Variants in RALGAPA2 observed in about 807,000 individuals in gnomAD.
RALGAPA2 encodes ral GTPase-activating protein subunit alpha-2.
Under a neutral mutation model 230.4 loss-of-function variants are expected in RALGAPA2, and 139 were observed. That is an observed-to-expected ratio of 0.60 (90% confidence interval 0.53 to 0.69). The LOEUF (loss-of-function observed/expected upper bound fraction) is 0.69. RALGAPA2 is among the 30% of genes least tolerant of loss of function. The pLI is 0.00. For synonymous variants in RALGAPA2, 847 were observed against 837.8 expected, an observed-to-expected ratio of 1.01 and a Z score of -0.19; for missense variants, 2,163 against 2,276.0, an observed-to-expected ratio of 0.95 and a Z score of 1.01.
In RALGAPA2 at chr20:20,607,111, G is replaced by T. The variant is rs188258192; in HGVS notation, c.1801-1699C>A. Among the ~76,000 whole-genome samples, 48 of 152,250 alleles carry T rather than the reference G, an allele frequency of 3.2e-4. No homozygotes were observed. The South Asian group carries it at 9.1e-3, about 29-fold the overall frequency. ...GCAAATAGGCTCCCACTCTTGTCAG[G>T]AATTCTTCTTTGCGTAGGTGAGTTC... On this transcript the variant is annotated intron_variant, in intron 14 of 39. Coordinates refer to ENST00000202677, the MANE Select transcript of RALGAPA2 (RefSeq NM_020343.4).
Position 20,472,689 on chromosome 20 carries a change from CTA to C in RALGAPA2, c.5495+138_5495+139del, listed in dbSNP as rs1363169216. The C allele has an allele frequency of 1.7e-5, 13 of 761,814 alleles. No homozygotes were observed. In the East Asian group the frequency reaches 3.4e-4, roughly 20 times the overall value. 47.2% of individuals were successfully genotyped at this position (761,814 alleles called of 1,614,324 possible). On this transcript the variant is annotated intron_variant, in intron 37 of 39. Coordinates refer to ENST00000202677, the MANE Select transcript of RALGAPA2 (RefSeq NM_020343.4). Reference sequence around the variant, plus strand: ...AATTAACAAATGCTATGAAAAACCACTATGTTATTTTTAACAGAGGTTGAAAA... The same window carrying C: ...AATTAACAAATGCTATGAAAAACCACTGTTATTTTTAACAGAGGTTGAAAA...
chr20:20,639,622 C>G (rs1035513285), intron 7 of RALGAPA2, among the ~76,000 whole-genome samples, 163 bp downstream of exon 7: 6 of 152,088 alleles, frequency 3.9e-5, no homozygotes, highest in African/African-American at 7.2e-5. Context: ...CTGAAGTGAC[C>G]TAAAAAATGG....
intron 34 of RALGAPA2, chr20:20,505,155 C>A (rs951199038): frequency 3.1e-5 from 31 of 985,188 alleles, no homozygotes; most frequent in Non-Finnish European, 3.4e-5. Flanking sequence ...TCTGGGAGAG[C>A]CCATCTGACT....
In RALGAPA2 at chr20:20,615,387, C is replaced by G. The variant is rs6132324; in HGVS notation, c.1688+656G>C. Among the ~76,000 whole-genome samples the G allele has an allele frequency of 4.3e-3, 655 of 152,094 alleles. 33 individuals carry two copies. In the East Asian group the frequency reaches 0.11, roughly 26 times the overall value. ...ATGTTAGGCAGGTTGGTCTCGAACT[C>G]CTGACATCAGATGATCCACCCACCT... is the stretch of plus-strand genomic sequence containing the variant. On this transcript the variant is annotated intron_variant, in intron 13 of 39. Transcript: ENST00000202677.
chr20:20,408,746 G>C (rs1222672879), intron 38 of RALGAPA2, among the ~76,000 whole-genome samples: 2 of 150,434 alleles, frequency 1.3e-5, no homozygotes, highest in African/African-American at 4.9e-5. Context: ...GTGTGTGAGA[G>C]AGAAATGTAT....
intron 37 of RALGAPA2, among the ~76,000 whole-genome samples, chr20:20,466,917 T>G (rs1239668420): frequency 6.6e-6 from 1 of 152,232 alleles, no homozygotes; most frequent in African/African-American, 2.4e-5. Context: ...CTCTCATCTG[T>G]TGAGATAATC....
chr20:20,477,254 C>T (rs1336951596), intron 36 of RALGAPA2, among the ~76,000 whole-genome samples: 1 of 151,936 alleles, frequency 6.6e-6, no homozygotes, highest in Non-Finnish European at 1.5e-5. Flanking sequence ...AGCAAGAATA[C>T]AGAGGATTTG....
intron 37 of RALGAPA2, among the ~76,000 whole-genome samples, chr20:20,455,755 T>TA (rs1390372192): frequency 6.6e-6 from 1 of 152,026 alleles, no homozygotes; most frequent in Non-Finnish European, 1.5e-5. Flanking sequence ...AGCAAAACAT[T>TA]AAAAAAATTG....
In RALGAPA2 at chr20:20,635,439, A is replaced by G. The variant is rs368306531; in HGVS notation, c.984T>C (p.Asp328=). The part of the protein sequence containing the change: ...TATQNTKNGV[D]VLPKIIQTVG... ...ATACCTGGATGATTTTAGGCAATACATCAACTCCATTTTTAGTGTTTTGTG... is the reference window on the plus strand; with the variant it reads ...ATACCTGGATGATTTTAGGCAATACGTCAACTCCATTTTTAGTGTTTTGTG... Residue 328 remains aspartate, a synonymous_variant, in exon 9 of 40, where the codon GAT becomes GAC. Transcript: ENST00000202677. 2 of 1,601,774 alleles carry G rather than the reference A, an allele frequency of 1.2e-6. No homozygotes were observed. Among genetic ancestry groups the G allele is most frequent in the Admixed American group, 1.8e-5 (1 of 56,860 alleles).
At chr20:20,565,717 A>C (rs1379816095) in intron 23 of RALGAPA2, among the ~76,000 whole-genome samples, 1 of 152,212 alleles carries the variant, frequency 6.6e-6, no homozygotes, top group South Asian at 2.1e-4. Context: ...CTACAAGCTA[A>C]ATATTATTGC....
intron 23 of RALGAPA2, among the ~76,000 whole-genome samples, chr20:20,555,699 A>T (rs528999872): frequency 6.6e-6 from 1 of 152,254 alleles, no homozygotes; most frequent in African/African-American, 2.4e-5. Flanking sequence ...TTCATTTTAA[A>T]TTGTCCATTT....
intron 37 of RALGAPA2, among the ~76,000 whole-genome samples, chr20:20,428,852 T>G (rs1569392204): frequency 6.6e-6 from 1 of 150,726 alleles, no homozygotes; most frequent in Non-Finnish European, 1.5e-5. Flanking sequence ...TCTCCTCAGA[T>G]GTAAGGAAAG....
chr20:20,521,798 A>G (rs913933461), intron 30 of RALGAPA2, among the ~76,000 whole-genome samples: 2 of 152,248 alleles, frequency 1.3e-5, no homozygotes, highest in Admixed American at 6.5e-5. Flanking sequence ...GATTTTTATA[A>G]GAATCAAGGT....
intron 10 of RALGAPA2, among the ~76,000 whole-genome samples, chr20:20,623,541 T>C (rs1347011086): frequency 6.7e-6 from 1 of 149,666 alleles, no homozygotes; most frequent in Non-Finnish European, 1.5e-5. Flanking sequence ...AGTAGGATAC[T>C]CTTCCAAAAG....
chr20:20,430,551 T>C (rs1228315273), intron 37 of RALGAPA2, among the ~76,000 whole-genome samples: 1 of 152,216 alleles, frequency 6.6e-6, no homozygotes, highest in Non-Finnish European at 1.5e-5. Flanking sequence ...GATGGAAACT[T>C]GCCTCTACCT....
At chr20:20,485,573 T>C (rs2061890301) in intron 36 of RALGAPA2, among the ~76,000 whole-genome samples, 1 of 152,224 alleles carries the variant, frequency 6.6e-6, no homozygotes, top group Non-Finnish European at 1.5e-5. Flanking sequence ...AGTCCATTTT[T>C]TTCCTCTCTC....
chr20:20,456,451 C>A (rs2061122429), intron 37 of RALGAPA2, among the ~76,000 whole-genome samples: 1 of 152,262 alleles, frequency 6.6e-6, no homozygotes, highest in Non-Finnish European at 1.5e-5. Context: ...CTTGGACAGG[C>A]AGGCTGCTGC....
intron 3 of RALGAPA2, among the ~76,000 whole-genome samples, chr20:20,663,717 G>C (rs1259625049): frequency 6.6e-6 from 1 of 152,082 alleles, no homozygotes; most frequent in Non-Finnish European, 1.5e-5. Flanking sequence ...TCAGCCTCCT[G>C]AGTAGCTGGG....
At chr20:20,693,520 G>A (rs917317118) in intron 1 of RALGAPA2, among the ~76,000 whole-genome samples, 3 of 152,144 alleles carry the variant, frequency 2.0e-5, no homozygotes, top group African/African-American at 7.2e-5. Context: ...GTTGGAGACA[G>A]AAATAAAATG....
Sources: gnomAD v4.1 joint callset for allele counts (sites outside exome capture counted in the v4.1 genomes callset) on GRCh38, gnomAD v4.1.1 for gene constraint, MANE v1.5 for transcripts, NCBI Gene and HGNC (gene_info 2026-07-23, HGNC 2026-07-21) for gene names.